Variants in ADGRV1 observed in about 807,000 individuals in gnomAD.
ADGRV1 encodes the protein adhesion G protein-coupled receptor V1, also known as G-protein coupled receptor 98.
ADGRV1 carries 359 observed loss-of-function variants against 596.2 expected under a neutral mutation model. The ratio of observed to expected loss-of-function variants is 0.60; its 90% confidence interval spans 0.55 to 0.66. The LOEUF is 0.66. Among genes scored for constraint, ADGRV1 ranks in the 30% least tolerant of loss-of-function variants. ADGRV1 has a pLI of 0.00. For synonymous variants in ADGRV1, 2,681 were observed against 2,679.2 expected (o/e 1.00, Z -0.02); for missense variants, 7,274 against 7,575.6 (o/e 0.96, Z 1.48).
chr5:90,973,696 G>A lies in ADGRV1; in HGVS notation c.17973+8165G>A, dbSNP rs550488806. ...TCAATAAGTTAGGTATTGATGGGAT[G>A]TATCTCAAAATAATAAGAGCTCTTT... On this transcript the variant is annotated intron_variant, in intron 84 of 89. Coordinates refer to ENST00000405460, the MANE Select transcript of ADGRV1 (RefSeq NM_032119.4). 1.1e-4 allele frequency among the ~76,000 whole-genome samples: 17 copies of A among 152,204 alleles called. No individual in the cohort carries two copies. The South Asian group carries it at 1.5e-3, about 13-fold the overall frequency.
intron 65 of ADGRV1, among the ~76,000 whole-genome samples, chr5:90,782,000 G>T (rs1373758424): frequency 6.6e-6 from 1 of 152,054 alleles, no homozygotes; most frequent in East Asian, 1.9e-4. Flanking sequence ...CCTTGATCTT[G>T]CTTTCTCGAA....
intron 21 of ADGRV1, among the ~76,000 whole-genome samples, chr5:90,669,960 C>T (rs1001148111): frequency 2.6e-5 from 4 of 152,226 alleles, no homozygotes; most frequent in Non-Finnish European, 5.9e-5. Context: ...TACACTCCCC[C>T]TGCTGTCGCA....
At chr5:90,622,169 A>C (rs1764170775) in intron 4 of ADGRV1, among the ~76,000 whole-genome samples, 1 of 152,190 alleles carries the variant, frequency 6.6e-6, no homozygotes, top group Admixed American at 6.5e-5. Context: ...TTTCACTGAC[A>C]AGCTGGCTGA....
In ADGRV1 at chr5:90,753,674, G is replaced by A. The variant is rs560299477; in HGVS notation, c.11222G>A (p.Arg3741His). ...LSEVVIVTLT[R>H]ITTEGVEDSY... Reference sequence around the variant, plus strand: ...GAGGTTGTGATTGTAACCCTCACCCGTATCACCACAGAAGGGGTTGAGGAC... The same window carrying A: ...GAGGTTGTGATTGTAACCCTCACCCATATCACCACAGAAGGGGTTGAGGAC... Residue 3741 changes from arginine to histidine, a missense_variant, in exon 54 of 90, where the codon CGT becomes CAT. Arg to His is a conservative substitution (Grantham distance 29). Coordinates refer to ENST00000405460, the MANE Select transcript of ADGRV1 (RefSeq NM_032119.4). The A allele has an allele frequency of 1.0e-4, 169 of 1,613,492 alleles. No homozygotes were observed. Among genetic ancestry groups the A allele is most frequent in the Non-Finnish European group, 1.3e-4 (157 of 1,179,630 alleles).
chr5:90,740,905 AC>A (rs1359946656), intron 50 of ADGRV1, among the ~76,000 whole-genome samples: 1 of 152,150 alleles, frequency 6.6e-6, no homozygotes, highest in Non-Finnish European at 1.5e-5. Flanking sequence ...TGTTCCTCTT[AC>A]ACTTCAATTG....
intron 35 of ADGRV1, 97 bp downstream of exon 35, chr5:90,703,892 C>T (rs1748239781): frequency 1.2e-6 from 1 of 852,338 alleles, no homozygotes; most frequent in Non-Finnish European, 1.8e-6. Flanking sequence ...TAGTTATTAT[C>T]TTTCTCTCTT....
At chr5:90,866,313 A>G (rs78294091) in intron 83 of ADGRV1, among the ~76,000 whole-genome samples, 183 of 20,506 alleles carry the variant, frequency 8.9e-3, no homozygotes, top group African/African-American at 0.015. Context: ...GTGTATGTGT[A>G]TATGTGTGTG....
intron 46 of ADGRV1, 32 bp downstream of exon 46, chr5:90,725,021 A>G (rs1005658703): frequency 1.9e-6 from 3 of 1,557,138 alleles, no homozygotes; most frequent in Non-Finnish European, 2.6e-6. Flanking sequence ...TAGTACAAAA[A>G]TAAAATGTGC....
At chr5:91,139,108 C>T (rs1010849358) in intron 87 of ADGRV1, among the ~76,000 whole-genome samples, 7 of 152,186 alleles carry the variant, frequency 4.6e-5, no homozygotes, top group African/African-American at 1.7e-4. Flanking sequence ...GCATAGTTTA[C>T]ACCTATGTCT....
intron 83 of ADGRV1, among the ~76,000 whole-genome samples, chr5:90,909,841 C>G (rs1458674794): frequency 6.6e-6 from 1 of 151,868 alleles, no homozygotes; most frequent in East Asian, 1.9e-4. Flanking sequence ...AAGTTTTTTT[C>G]TAAGAAATAC....
intron 17 of ADGRV1, 88 bp downstream of exon 17, chr5:90,647,852 G>A: frequency 5.3e-6 from 6 of 1,138,622 alleles, no homozygotes; most frequent in African/African-American, 1.6e-5. Context: ...ATGAGGACAA[G>A]TAGGGCCTAA....
intron 45 of ADGRV1, among the ~76,000 whole-genome samples, chr5:90,721,967 C>T (rs760315030): frequency 6.6e-6 from 1 of 152,164 alleles, no homozygotes; most frequent in Non-Finnish European, 1.5e-5. Flanking sequence ...GATAGCTGGA[C>T]AAGACCATAT....
intron 87 of ADGRV1, among the ~76,000 whole-genome samples, chr5:91,128,607 T>C (rs994654960): frequency 6.6e-6 from 1 of 152,214 alleles, no homozygotes; most frequent in African/African-American, 2.4e-5. Flanking sequence ...TTGACTTATG[T>C]TGGCACATCC....
intron 59 of ADGRV1, among the ~76,000 whole-genome samples, chr5:90,767,051 G>A (rs115635536): frequency 6.4e-4 from 98 of 152,286 alleles, no homozygotes; most frequent in African/African-American, 2.3e-3. Context: ...AAGGGAGGAT[G>A]GGGAGGTGGA....
In ADGRV1 at chr5:90,689,999, C is replaced by G. The variant is rs543078993; in HGVS notation, c.6629C>G (p.Thr2210Arg). The G allele has an allele frequency of 1.2e-5, 20 of 1,605,176 alleles. No individual in the cohort carries two copies. In the South Asian group the frequency reaches 2.0e-4, roughly 16 times the overall value. ...SFLVQLMNET[T>R]GGARLGALTE... ...CTTGTGCAACTGATGAATGAAACAA[C>G]AGGAGGAGCCAGACTAGGGGCTTTA... The change falls in exon 30 of 90, where the codon ACA becomes AGA. Residue 2210 changes from threonine to arginine, a missense_variant. Thr to Arg is a moderately conservative substitution (Grantham distance 71). Transcript: ENST00000405460.
intron 85 of ADGRV1, among the ~76,000 whole-genome samples, chr5:91,046,726 G>C (rs1785849510): frequency 6.6e-6 from 1 of 152,202 alleles, no homozygotes; most frequent in South Asian, 2.1e-4. Context: ...GGAGTAAACA[G>C]ACATCCCACA....
chr5:90,793,100 G>A (rs1760260962), intron 70 of ADGRV1: 1 of 152,196 alleles, frequency 6.6e-6, no homozygotes, highest in Admixed American at 6.5e-5. Context: ...TTGAAGACCT[G>A]TTGTAGTTCC....
intron 74 of ADGRV1, among the ~76,000 whole-genome samples, chr5:90,813,132 C>CAAAAAAAAAAAAAAAAAAAAAAAAA (rs5869522): frequency 8.6e-5 from 3 of 34,922 alleles, no homozygotes; most frequent in African/African-American, 8.3e-5. Flanking sequence ...GACTCCGTCT[C>CAAAAAAAAAAAAAAAAAAAAAAAAA]AAAAAAAAAA....
At chr5:90,645,780 C>A (rs2149440396) in intron 15 of ADGRV1, among the ~76,000 whole-genome samples, 188 bp from the exon 16 acceptor site, 2 of 152,124 alleles carry the variant, frequency 1.3e-5, no homozygotes, top group Middle Eastern at 6.8e-3. Flanking sequence ...TATGAATGCA[C>A]ATGAAACTAA....
Sources: gnomAD v4.1 joint callset for allele counts (sites outside exome capture counted in the v4.1 genomes callset) on GRCh38, gnomAD v4.1.1 for gene constraint, MANE v1.5 for transcripts, NCBI Gene and HGNC (gene_info 2026-07-23, HGNC 2026-07-21) for gene names.